Variants in TASP1 observed in about 807,000 individuals in gnomAD.
TASP1 encodes threonine aspartase 1.
Under a neutral mutation model 56.6 loss-of-function variants are expected in TASP1, and 16 were observed. The ratio of observed to expected loss-of-function variants is 0.28; its 90% CI spans 0.19 to 0.43. The LOEUF (loss-of-function observed/expected upper bound fraction) is 0.43. Among genes scored for constraint, TASP1 ranks in the 20% least tolerant of loss-of-function variants. TASP1 has a pLI of 1.00. For missense variants in TASP1, 393 were observed against 511.6 expected (o/e 0.77, Z 2.24); for synonymous variants, 179 against 184.2 (o/e 0.97, Z 0.23).
intron 12 of TASP1, among the ~76,000 whole-genome samples, chr20:13,432,969 G>T (rs1158885071): frequency 3.3e-5 from 5 of 151,986 alleles, no homozygotes; most frequent in African/African-American, 9.7e-5. Flanking sequence ...TTCTTCTGAG[G>T]TTTTTTGTTT....
chr20:13,560,821 C>A (rs2046321079), intron 7 of TASP1, among the ~76,000 whole-genome samples: 1 of 151,982 alleles, frequency 6.6e-6, no homozygotes, highest in African/African-American at 2.4e-5. Context: ...TGAAAACTTG[C>A]CAAATTTGAT....
the TASP1 span, among the ~76,000 whole-genome samples, chr20:13,311,243 TGATAGATAGATAGATA>T: frequency 7.8e-6 from 1 of 127,924 alleles, no homozygotes; most frequent in Non-Finnish European, 1.7e-5. Context: ...GATAGATAGA[TGATAGATAGATAGATA>T]GATAGATAGA....
At chr20:13,450,068 T>C (rs1313313616) in intron 11 of TASP1, among the ~76,000 whole-genome samples, 1 of 152,122 alleles carries the variant, frequency 6.6e-6, no homozygotes, top group East Asian at 1.9e-4. Flanking sequence ...TGCAAGTTTT[T>C]TGGTTTCCCA....
chr20:13,487,378 C>T (rs1162877550), intron 10 of TASP1, among the ~76,000 whole-genome samples: 5 of 152,122 alleles, frequency 3.3e-5, no homozygotes, highest in African/African-American at 1.2e-4. Context: ...GTCATTCTGG[C>T]CAGTCCAGAT....
the TASP1 span, chr20:13,164,599 C>A: frequency 3.2e-6 from 2 of 631,992 alleles, no homozygotes; most frequent in East Asian, 2.8e-5. Flanking sequence ...TAAACCACAA[C>A]CTAATGGTAC....
chr20:13,356,409 T>A, the TASP1 span, among the ~76,000 whole-genome samples: 4 of 152,216 alleles, frequency 2.6e-5, no homozygotes, highest in Non-Finnish European at 1.5e-5. Flanking sequence ...GTTTTGGAAT[T>A]GAGGAGCTGC....
chr20:13,307,577 GC>G, the TASP1 span, among the ~76,000 whole-genome samples: 1 of 152,054 alleles, frequency 6.6e-6, no homozygotes. Context: ...GCACTCCCAT[GC>G]CCCCGTCCAG....
intron 4 of TASP1, chr20:13,616,977 C>T (rs1301481434): frequency 2.3e-6 from 1 of 436,504 alleles, no homozygotes; most frequent in Admixed American, 2.6e-5. Context: ...CAAGTTGCCT[C>T]CCATCTGCGT....
chr20:13,476,326 C>G (rs2146465238), intron 11 of TASP1, among the ~76,000 whole-genome samples: 1 of 152,276 alleles, frequency 6.6e-6, no homozygotes, highest in Non-Finnish European at 1.5e-5. Flanking sequence ...ACTTATTTCT[C>G]CCAAACTCCT....
the TASP1 span, among the ~76,000 whole-genome samples, chr20:13,208,528 A>G: frequency 1.3e-4 from 20 of 152,198 alleles, no homozygotes; most frequent in Non-Finnish European, 2.6e-4. Flanking sequence ...ATGCACCTGT[A>G]TAAGTCTTCC....
intron 7 of TASP1, among the ~76,000 whole-genome samples, chr20:13,563,304 C>T (rs7261733): frequency 0.023 from 3,417 of 151,572 alleles, 124 homozygotes; most frequent in African/African-American, 0.074. Flanking sequence ...CAAACTCTCC[C>T]GGCAAAAAAA....
chr20:13,240,222 C>A, the TASP1 span, among the ~76,000 whole-genome samples: 1 of 152,160 alleles, frequency 6.6e-6, no homozygotes, highest in Non-Finnish European at 1.5e-5. Flanking sequence ...CAATAGAGAA[C>A]AAGCTTATGT....
chr20:13,486,675 T>C (rs371395666), intron 10 of TASP1, among the ~76,000 whole-genome samples: 1 of 152,124 alleles, frequency 6.6e-6, no homozygotes, highest in Non-Finnish European at 1.5e-5. Context: ...TAACCCACAA[T>C]GTAATAACTG....
intron 13 of TASP1, 147 bp downstream of exon 13, chr20:13,417,301 T>C: frequency 1.4e-6 from 1 of 712,560 alleles, no homozygotes; most frequent in Non-Finnish European, 2.3e-6. Flanking sequence ...GTTAGCATTG[T>C]TAACTGTTCT....
At chr20:13,352,688 G>T in the TASP1 span, among the ~76,000 whole-genome samples, 488 of 152,268 alleles carry the variant, frequency 3.2e-3, 1 homozygote, top group East Asian at 0.01. Context: ...GCAAACCGTG[G>T]CATGTTGACT....
chr20:13,177,714 G>A, the TASP1 span, among the ~76,000 whole-genome samples: 1 of 152,094 alleles, frequency 6.6e-6, no homozygotes, highest in Non-Finnish European at 1.5e-5. Flanking sequence ...TCCATATGCA[G>A]AAGAATAAAA....
intron 11 of TASP1, among the ~76,000 whole-genome samples, chr20:13,464,753 G>A (rs949407604): frequency 2.0e-5 from 3 of 152,098 alleles, no homozygotes; most frequent in African/African-American, 7.2e-5. Flanking sequence ...CTGCAGAGAG[G>A]AGGGAAAGGG....
At chr20:13,327,617 C>T in the TASP1 span, among the ~76,000 whole-genome samples, 5 of 152,086 alleles carry the variant, frequency 3.3e-5, no homozygotes, top group Non-Finnish European at 2.9e-5. Flanking sequence ...ACACATAGAC[C>T]AGTGGAACAG....
the TASP1 span, among the ~76,000 whole-genome samples, chr20:13,130,882 CA>C: frequency 6.6e-6 from 1 of 152,206 alleles, no homozygotes. Context: ...TGTCATGACT[CA>C]ACTTCCCTCT....
Sources: allele counts gnomAD v4.1 joint callset (sites outside exome capture counted in the v4.1 genomes callset), GRCh38; gene constraint gnomAD v4.1.1; transcripts MANE v1.5; gene names NCBI Gene and HGNC (gene_info 2026-07-23, HGNC 2026-07-21).